Variants in GPC6 observed in about 807,000 individuals in gnomAD.
GPC6 encodes glypican 6.
Under a neutral mutation model 55.2 loss-of-function variants are expected in GPC6, and 14 were observed. That is an observed-to-expected ratio of 0.25 (90% CI 0.17 to 0.40). GPC6 has a LOEUF of 0.40. Among genes scored for constraint, GPC6 ranks in the 10% least tolerant of loss-of-function variants. GPC6 has a pLI of 1.00. For missense variants in GPC6, 641 were observed against 708.5 expected, an observed-to-expected ratio of 0.90 and a Z score of 1.08; for synonymous variants, 278 against 259.6, an observed-to-expected ratio of 1.07 and a Z score of -0.68.
At chr13:93,522,694 G>A (rs1315016565) in intron 1 of GPC6, among the ~76,000 whole-genome samples, 1 of 151,878 alleles carries the variant, frequency 6.6e-6, no homozygotes, top group Admixed American at 6.6e-5. Flanking sequence ...GATGTAGCCA[G>A]TGTGAGTAAC....
rs74956630 is a variant in GPC6 at position 93,624,438 on chromosome 13, A to G, written c.319+79017A>G. On this transcript the variant is annotated intron_variant, in intron 2 of 8. Coordinates refer to ENST00000377047, the MANE Select transcript of GPC6 (RefSeq NM_005708.5). ...CAGGGCTTTATACGTCTCAATTTCA[A>G]TCTGTGTTATCTTAAACTTGGTTTC... Among the ~76,000 whole-genome samples the G allele has an allele frequency of 9.5e-3, 1,452 of 152,314 alleles. 23 individuals are homozygous for G. Among genetic ancestry groups the G allele is most frequent in the African/African-American group, 0.032 (1,346 of 41,566 alleles).
At chr13:93,331,875 C>A (rs534547447) in intron 1 of GPC6, among the ~76,000 whole-genome samples, 1 of 152,068 alleles carries the variant, frequency 6.6e-6, no homozygotes, top group Non-Finnish European at 1.5e-5. Flanking sequence ...CCTCTACTCT[C>A]CCCAACCTCT....
intron 1 of GPC6, among the ~76,000 whole-genome samples, chr13:93,362,602 C>G (rs1354448755): frequency 1.3e-5 from 2 of 151,890 alleles, no homozygotes; most frequent in Non-Finnish European, 2.9e-5. Flanking sequence ...TTAATATATT[C>G]CAAATAAATA....
At position 93,679,501 on chromosome 13, in the gene GPC6, C is replaced by A. The variant is rs1033942262; in HGVS notation, c.319+134080C>A. On this transcript the variant is annotated intron_variant, in intron 2 of 8. Coordinates refer to ENST00000377047, the MANE Select transcript of GPC6 (RefSeq NM_005708.5). Reference sequence around the variant, plus strand: ...TGTCCCTATTTTTAAAGTGATATAACTATTTTGTTTGTTCATGTTGGTTTT... The same window carrying A: ...TGTCCCTATTTTTAAAGTGATATAAATATTTTGTTTGTTCATGTTGGTTTT... Among the ~76,000 whole-genome samples the A allele has an allele frequency of 5.9e-5, 9 of 152,236 alleles. No individual in the cohort carries two copies. In the East Asian group the frequency reaches 1.7e-3, roughly 29 times the overall value.
chr13:93,500,522 CA>C (rs5805808), intron 1 of GPC6, among the ~76,000 whole-genome samples: 148,453 of 152,120 alleles, frequency 0.98, 72,526 homozygotes, highest in East Asian at 1. Context: ...ATCCAAACTG[CA>C]AAAAAAATAA....
intron 6 of GPC6, among the ~76,000 whole-genome samples, chr13:94,374,160 C>T (rs1202907843): frequency 4.6e-5 from 7 of 151,110 alleles, no homozygotes; most frequent in East Asian, 1.9e-4. Flanking sequence ...CATCAACTAA[C>T]GAGCAAAATC....
At chr13:93,610,853 A>G (rs914195686) in intron 2 of GPC6, among the ~76,000 whole-genome samples, 16 of 152,070 alleles carry the variant, frequency 1.1e-4, no homozygotes, top group African/African-American at 3.9e-4. Context: ...ACACCAATTC[A>G]CTGAGACTTA....
chr13:94,272,458 CTTTTCTTTTTTT>C (rs1892062073), intron 4 of GPC6, among the ~76,000 whole-genome samples: 1 of 115,416 alleles, frequency 8.7e-6, no homozygotes, highest in African/African-American at 3.9e-5. Context: ...CTTTTCTTTT[CTTTTCTTTTTTT>C]TTTTTTTTTT....
At position 94,125,744 on chromosome 13, in the gene GPC6, A is replaced by C. The variant is rs368915765; in HGVS notation, c.877+97850A>C. Among the ~76,000 whole-genome samples the C allele has an allele frequency of 3.3e-4, 50 of 151,738 alleles. 1 individual carries two copies. The highest frequency in any genetic ancestry group is 7.2e-4 in the African/African-American group (30 of 41,422). On this transcript the variant is annotated intron_variant, in intron 4 of 8. Coordinates refer to ENST00000377047, the MANE Select transcript of GPC6 (RefSeq NM_005708.5). ...GCCTTTTTTTTTTTTTAAATACAAA[A>C]TAGTTAAATGAAGTCAGCAAAGAAA...
At chr13:93,965,050 A>T (rs1316354217) in intron 3 of GPC6, among the ~76,000 whole-genome samples, 2 of 144,460 alleles carry the variant, frequency 1.4e-5, no homozygotes, top group African/African-American at 5.1e-5. Context: ...CTCCTTAATT[A>T]TTATGTTTTT....
chr13:93,994,162 G>T (rs1881434937), intron 3 of GPC6, among the ~76,000 whole-genome samples: 1 of 152,110 alleles, frequency 6.6e-6, no homozygotes, highest in South Asian at 2.1e-4. Flanking sequence ...ACAGAATGAT[G>T]CAAGAATCAC....
At chr13:93,259,355 C>G (rs1877059355) in intron 1 of GPC6, among the ~76,000 whole-genome samples, 1 of 151,974 alleles carries the variant, frequency 6.6e-6, no homozygotes, top group Non-Finnish European at 1.5e-5. Context: ...TGTGAGCTAT[C>G]TTAAAGGTAC....
chr13:93,291,593 G>A (rs1594077028), intron 1 of GPC6, among the ~76,000 whole-genome samples: 1 of 152,076 alleles, frequency 6.6e-6, no homozygotes, highest in East Asian at 1.9e-4. Context: ...TTGTCATTAG[G>A]TAACAGCAAA....
intron 4 of GPC6, among the ~76,000 whole-genome samples, chr13:94,174,166 C>G (rs957495586): frequency 6.6e-6 from 1 of 152,074 alleles, no homozygotes; most frequent in Non-Finnish European, 1.5e-5. Context: ...AAAGAGAAAG[C>G]TAGAAAGAAA....
chr13:94,135,834 G>T (rs1461056498), intron 4 of GPC6, among the ~76,000 whole-genome samples: 1 of 152,168 alleles, frequency 6.6e-6, no homozygotes, highest in Non-Finnish European at 1.5e-5. Flanking sequence ...GCCACCACTG[G>T]CCAGGGATGC....
At chr13:93,748,900 A>T (rs1884489104) in intron 2 of GPC6, among the ~76,000 whole-genome samples, 1 of 151,956 alleles carries the variant, frequency 6.6e-6, no homozygotes, top group Non-Finnish European at 1.5e-5. Context: ...ACACAAAGAA[A>T]TCTGACTTAT....
intron 2 of GPC6, among the ~76,000 whole-genome samples, chr13:93,769,815 G>T (rs768748712): frequency 6.6e-6 from 1 of 152,174 alleles, no homozygotes; most frequent in Non-Finnish European, 1.5e-5. Context: ...TCTTTCAGCT[G>T]CAGTCAGTGT....
chr13:93,738,425 C>A (rs1287333570), intron 2 of GPC6, among the ~76,000 whole-genome samples: 2 of 152,086 alleles, frequency 1.3e-5, no homozygotes, highest in Non-Finnish European at 2.9e-5. Context: ...ACAGTTTTTT[C>A]CCATATATTA....
chr13:93,718,300 A>T (rs1170222444), intron 2 of GPC6, among the ~76,000 whole-genome samples: 1 of 152,008 alleles, frequency 6.6e-6, no homozygotes, highest in African/African-American at 2.4e-5. Context: ...AATCATTGCC[A>T]TACTAATGGA....
Sources: allele counts gnomAD v4.1 joint callset (sites outside exome capture counted in the v4.1 genomes callset), GRCh38; gene constraint gnomAD v4.1.1; transcripts MANE v1.5; gene names NCBI Gene and HGNC (gene_info 2026-07-23, HGNC 2026-07-21).